The following EFCAB6 variants were observed in gnomAD, a reference collection of about 807,000 sequenced individuals.
EFCAB6 encodes the protein EF-hand calcium-binding domain-containing protein 6.
In EFCAB6, 156 loss-of-function variants were observed where a neutral mutation model predicts 169.8. That is an observed-to-expected ratio of 0.92 (90% CI 0.81 to 1.05). The LOEUF (loss-of-function observed/expected upper bound fraction) is 1.05. EFCAB6 is among the 50% of genes least tolerant of loss of function. EFCAB6 has a pLI of 0.00. For missense variants in EFCAB6, 1,800 were observed against 1,829.1 expected (o/e 0.98, Z 0.29); for synonymous variants, 698 against 676.4 (o/e 1.03, Z -0.50).
intron 6 of EFCAB6, among the ~76,000 whole-genome samples, chr22:43,742,873 G>A (rs889814335): frequency 6.6e-6 from 1 of 152,240 alleles, no homozygotes; most frequent in Non-Finnish European, 1.5e-5. Context: ...GTAGCTGCTT[G>A]GACCTCGGCA....
intron 27 of EFCAB6, among the ~76,000 whole-genome samples, chr22:43,543,646 C>T (rs894236241): frequency 6.6e-6 from 1 of 152,118 alleles, no homozygotes; most frequent in African/African-American, 2.4e-5. Context: ...GGGGATGAGC[C>T]CAATAGCCGC....
chr22:43,582,149 C>T (rs1055739662), intron 24 of EFCAB6, among the ~76,000 whole-genome samples: 1 of 152,116 alleles, frequency 6.6e-6, no homozygotes, highest in African/African-American at 2.4e-5. Flanking sequence ...AGTATCAAGC[C>T]TAACTATGTT....
chr22:43,608,553 C>T lies in EFCAB6; in HGVS notation c.2610G>A (p.Arg870=), dbSNP rs2053082748. 11 of 1,614,096 alleles carry T rather than the reference C, an allele frequency of 6.8e-6. No homozygotes were observed. The highest frequency in any genetic ancestry group is 9.3e-6 in the Non-Finnish European group (11 of 1,180,016). ...DNEGNGILRR[R]DIKNALYGFD... ...AACCGTACAGTGCGTTCTTTATGTC[C>T]CGGCGTCGAAGAATGCCATTGCCCT... The change falls in exon 22 of 32, where the codon CGG becomes CGA. Residue 870 remains arginine, a synonymous_variant. Coordinates refer to ENST00000262726, the MANE Select transcript of EFCAB6 (RefSeq NM_022785.4).
At chr22:43,678,271 T>C (rs888677105) in intron 12 of EFCAB6, 108 bp from the exon 13 acceptor site, 2 of 898,462 alleles carry the variant, frequency 2.2e-6, no homozygotes, top group South Asian at 1.7e-5. Flanking sequence ...TTTGGCCAAA[T>C]AGAATTATGA....
In EFCAB6 at chr22:43,651,865, G is replaced by T. The variant is rs1569319709; in HGVS notation, c.1983+15239C>A. ...CTTGCATGGGGCCTGTAGCCCATTT[G>T]TTTTGGCCAATTTCTCCCATTTTGA... On this transcript the variant is annotated intron_variant, in intron 17 of 31. Transcript: ENST00000262726. Among the ~76,000 whole-genome samples, 3 of 152,168 alleles carry T rather than the reference G, an allele frequency of 2.0e-5. No homozygotes were observed. The South Asian group carries it at 6.2e-4, about 32-fold the overall frequency.
At chr22:43,764,103 G>A (rs2061251282) in intron 5 of EFCAB6, among the ~76,000 whole-genome samples, 1 of 152,140 alleles carries the variant, frequency 6.6e-6, no homozygotes, top group Non-Finnish European at 1.5e-5. Flanking sequence ...GAGCAGGTTT[G>A]TTACATAGGT....
intron 11 of EFCAB6, among the ~76,000 whole-genome samples, 198 bp downstream of exon 11, chr22:43,687,273 A>G (rs2058232699): frequency 6.6e-6 from 1 of 152,230 alleles, no homozygotes; most frequent in Non-Finnish European, 1.5e-5. Context: ...TAACAATTAT[A>G]CCAACCTTAT....
chr22:43,674,654 G>A (rs1442019523), intron 13 of EFCAB6, among the ~76,000 whole-genome samples: 1 of 152,246 alleles, frequency 6.6e-6, no homozygotes. Flanking sequence ...TTGCCACGTA[G>A]AGAAGGGATT....
intron 4 of EFCAB6, among the ~76,000 whole-genome samples, chr22:43,771,446 T>A (rs146534691): frequency 2.1e-3 from 320 of 151,998 alleles, no homozygotes; most frequent in Middle Eastern, 0.01. Context: ...AAAAATAAAT[T>A]AATTAATTAA....
At chr22:43,567,402 C>A (rs2049515538) in intron 26 of EFCAB6, among the ~76,000 whole-genome samples, 1 of 152,182 alleles carries the variant, frequency 6.6e-6, no homozygotes, top group Non-Finnish European at 1.5e-5. Flanking sequence ...CAAATAAATT[C>A]TATGCCACTT....
chr22:43,626,583 G>C lies in EFCAB6; in HGVS notation c.2329C>G (p.Leu777Val), dbSNP rs146319951. 2.5e-6 allele frequency: 4 copies of C among 1,614,110 alleles called. No individual in the cohort carries two copies. The highest frequency in any genetic ancestry group is 1.3e-5 in the African/African-American group (1 of 74,932). Reference sequence around the variant, plus strand: ...AAGCGCTCAAACTCGTCGTCTTTGAGATTAAGCAGTAGATGCAGGAGCAGT... The same window carrying C: ...AAGCGCTCAAACTCGTCGTCTTTGACATTAAGCAGTAGATGCAGGAGCAGT... ...HRLLLHLLLNLKDDEFERFLG... is the reference protein window; with the variant it reads ...HRLLLHLLLNVKDDEFERFLG... The change falls in exon 20 of 32, where the codon CTC (leucine) becomes GTC (valine). Residue 777 changes from leucine (L) to valine (V), a missense_variant. Coordinates refer to ENST00000262726, the MANE Select transcript of EFCAB6 (RefSeq NM_022785.4).
intron 13 of EFCAB6, among the ~76,000 whole-genome samples, chr22:43,675,131 A>T (rs1265390031): frequency 1.3e-5 from 2 of 149,378 alleles, no homozygotes; most frequent in African/African-American, 4.9e-5. Context: ...GCATAAAGGA[A>T]TTTTATATAT....
intron 20 of EFCAB6, among the ~76,000 whole-genome samples, chr22:43,623,739 C>CAAAA (rs137720): frequency 6.3e-5 from 6 of 95,242 alleles, no homozygotes; most frequent in African/African-American, 2.0e-4. Context: ...ACTAAAAATA[C>CAAAA]AAAAAAAAAA....
intron 17 of EFCAB6, among the ~76,000 whole-genome samples, chr22:43,660,734 T>C (rs2056962231): frequency 2.0e-5 from 3 of 152,222 alleles, no homozygotes; most frequent in Non-Finnish European, 4.4e-5. Context: ...CTCCCCATCT[T>C]TGTGCCCGAA....
At chr22:43,706,309 A>T (rs2058958551) in intron 10 of EFCAB6, among the ~76,000 whole-genome samples, 1 of 152,272 alleles carries the variant, frequency 6.6e-6, no homozygotes, top group Admixed American at 6.5e-5. Flanking sequence ...CCTGCCTCTC[A>T]CCTTTTCATA....
rs559025188 is a variant in EFCAB6 at position 43,559,383 on chromosome 22, G to A, written c.3421-4287C>T. On this transcript the variant is annotated intron_variant, in intron 26 of 31. Coordinates refer to ENST00000262726, the MANE Select transcript of EFCAB6 (RefSeq NM_022785.4). ...AACAACAGATGCTGGTGAGGCTGTG[G>A]AGAAATAGGAATGCTTTTACACTGA... Among the ~76,000 whole-genome samples, 47 of 152,228 alleles carry A rather than the reference G, an allele frequency of 3.1e-4. 1 individual carries two copies. In the Middle Eastern group the frequency reaches 0.017, roughly 55 times the overall value.
chr22:43,581,535 T>C (rs2050727514), intron 24 of EFCAB6, among the ~76,000 whole-genome samples: 1 of 152,214 alleles, frequency 6.6e-6, no homozygotes, highest in South Asian at 2.1e-4. Context: ...AGCATATCTA[T>C]TAAAGATGCA....
At chr22:43,594,381 T>C (rs1023013078) in intron 23 of EFCAB6, among the ~76,000 whole-genome samples, 4 of 151,648 alleles carry the variant, frequency 2.6e-5, no homozygotes, top group African/African-American at 9.7e-5. Flanking sequence ...CCCAACTATA[T>C]GCTGCCTATA....
In EFCAB6 at chr22:43,744,419, C is replaced by G. The variant is rs1029428571; in HGVS notation, c.508-8426G>C. 6.6e-6 allele frequency among the ~76,000 whole-genome samples: 1 copy of G among 152,206 alleles called. No individual in the cohort carries two copies. Reference sequence around the variant, plus strand: ...CTGGGAAGAGGAACTGAGACTCAGACAGACACAGCAGAGCAAGGCAGAAGC... The same window carrying G: ...CTGGGAAGAGGAACTGAGACTCAGAGAGACACAGCAGAGCAAGGCAGAAGC... On this transcript the variant is annotated intron_variant, in intron 6 of 31. Transcript: ENST00000262726. The surrounding 1 kb of genome is among the most constrained non-coding windows in gnomAD (Gnocchi z 4.3).
Sources: gnomAD v4.1 joint callset for allele counts (sites outside exome capture counted in the v4.1 genomes callset) on GRCh38, gnomAD v4.1.1 for gene constraint, Gnocchi (gnomAD v3.1) non-coding constraint, MANE v1.5 for transcripts, NCBI Gene and HGNC (gene_info 2026-07-23, HGNC 2026-07-21) for gene names.